RSPH14: variants seen among roughly 807,000 people sequenced by gnomAD.
RSPH14 encodes rhabdoid tumor deletion region gene 1.
RSPH14 carries 20 observed loss-of-function variants against 26.7 expected under a neutral mutation model. The ratio of observed to expected loss-of-function variants is 0.75; its 90% confidence interval spans 0.53 to 1.09. RSPH14 has a LOEUF of 1.09. Ranked by LOEUF, RSPH14 falls within the 50% of genes least tolerant of loss-of-function variation. The probability of loss-of-function intolerance (pLI) is 0.00; values close to 1 mark genes in which losing one functional copy is unlikely to be tolerated. For missense variants in RSPH14, 449 were observed against 457.2 expected (o/e 0.98, Z 0.16); for synonymous variants, 177 against 189.3 (o/e 0.93, Z 0.53).
intron 4 of RSPH14, among the ~76,000 whole-genome samples, chr22:23,092,233 G>A (rs1485119513): frequency 6.6e-6 from 1 of 152,196 alleles, no homozygotes; most frequent in East Asian, 1.9e-4. Flanking sequence ...GAGAGGGCTG[G>A]CTAGAGCCTT....
chr22:23,081,246 C>G (rs2068669287), intron 4 of RSPH14, among the ~76,000 whole-genome samples: 1 of 152,124 alleles, frequency 6.6e-6, no homozygotes, highest in Non-Finnish European at 1.5e-5. Context: ...AAAAAGTAAA[C>G]GAGATGTCAC....
the RSPH14 span, chr22:23,161,659 G>C: frequency 1.8e-6 from 2 of 1,134,288 alleles, no homozygotes; most frequent in South Asian, 1.4e-5. Flanking sequence ...GCTCTGCAGC[G>C]TGTCGCCCTC....
intron 4 of RSPH14, chr22:23,123,756 G>T: frequency 3.0e-6 from 1 of 331,358 alleles, no homozygotes; most frequent in South Asian, 4.1e-5. Context: ...GCCTTCCTGA[G>T]TTGGCCCCAC....
intron 4 of RSPH14, among the ~76,000 whole-genome samples, chr22:23,113,286 C>T (rs867613400): frequency 6.6e-6 from 1 of 152,226 alleles, no homozygotes; most frequent in Non-Finnish European, 1.5e-5. Flanking sequence ...ATCCTTCTCT[C>T]CCACAGATCT....
At chr22:23,073,769 C>T (rs927319344) in intron 4 of RSPH14, among the ~76,000 whole-genome samples, 2 of 152,222 alleles carry the variant, frequency 1.3e-5, no homozygotes, top group African/African-American at 2.4e-5. Flanking sequence ...CATTTACCAG[C>T]GCCTGCTGCA....
At chr22:23,082,511 G>A (rs1039448823) in intron 4 of RSPH14, among the ~76,000 whole-genome samples, 27 of 151,836 alleles carry the variant, frequency 1.8e-4, no homozygotes, top group African/African-American at 6.3e-4. Flanking sequence ...GAGCCACCGC[G>A]CCCGGCCTCG....
At chr22:23,145,557 T>G (rs769647298), upstream of RSPH14, 2 of 1,598,466 alleles carry the variant, frequency 1.3e-6, no homozygotes, top group Non-Finnish European at 1.7e-6. Context: ...CGCTGGTGAG[T>G]CAGCTCGCCC....
upstream of RSPH14, chr22:23,149,934 G>C: frequency 1.4e-6 from 1 of 730,136 alleles, no homozygotes; most frequent in South Asian, 1.6e-5. Context: ...GTCAGGGAAA[G>C]CTAATGAGGC....
At chr22:23,063,747 G>A (rs1569152780) in intron 5 of RSPH14, among the ~76,000 whole-genome samples, 155 bp downstream of exon 5, 1 of 152,036 alleles carries the variant, frequency 6.6e-6, no homozygotes, top group South Asian at 2.1e-4. Flanking sequence ...CACCCTAGGG[G>A]AGAAGGTCAT....
At chr22:23,107,699 T>C (rs962182936) in intron 4 of RSPH14, among the ~76,000 whole-genome samples, 5 of 152,142 alleles carry the variant, frequency 3.3e-5, no homozygotes, top group African/African-American at 1.2e-4. Flanking sequence ...AGTCGGGTCC[T>C]GGGCCTCTGC....
chr22:23,146,057 G>C, upstream of RSPH14: 4 of 975,376 alleles, frequency 4.1e-6, no homozygotes, highest in Non-Finnish European at 4.9e-6. Flanking sequence ...GCTCCTCCTT[G>C]GTAGACACCT....
intron 4 of RSPH14, among the ~76,000 whole-genome samples, chr22:23,089,658 G>T (rs2068909931): frequency 6.6e-6 from 1 of 152,204 alleles, no homozygotes; most frequent in African/African-American, 2.4e-5. Context: ...AGGGTGATGA[G>T]GGCAGGCCGG....
At chr22:23,074,629 G>C (rs1326357165) in intron 4 of RSPH14, among the ~76,000 whole-genome samples, 1 of 152,198 alleles carries the variant, frequency 6.6e-6, no homozygotes, top group Non-Finnish European at 1.5e-5. Flanking sequence ...GGGTAGGTAG[G>C]ATCAGAAGAG....
the RSPH14 span, among the ~76,000 whole-genome samples, chr22:23,156,968 T>G: frequency 1.3e-5 from 2 of 152,192 alleles, no homozygotes; most frequent in East Asian, 1.9e-4. Flanking sequence ...TGGGTCTCCC[T>G]GTAGCCTTCA....
chr22:23,152,375 G>T, the RSPH14 span: 6 of 1,399,216 alleles, frequency 4.3e-6, no homozygotes, highest in Admixed American at 1.7e-5. Context: ...CTCACCAGCA[G>T]AGAGCTCAGG....
At chr22:23,085,458 C>G (rs1317235284) in intron 4 of RSPH14, among the ~76,000 whole-genome samples, 1 of 152,142 alleles carries the variant, frequency 6.6e-6, no homozygotes, top group Non-Finnish European at 1.5e-5. Context: ...CCATACAGAT[C>G]TGAGGGTGGA....
At chr22:23,161,147 C>T in the RSPH14 span, 15 of 1,013,676 alleles carry the variant, frequency 1.5e-5, no homozygotes, top group African/African-American at 1.1e-4. Context: ...GTCACTGCAG[C>T]CTCAGGCCTG....
chr22:23,141,190 G>A (rs1337901989), intron 1 of RSPH14, among the ~76,000 whole-genome samples: 1 of 152,092 alleles, frequency 6.6e-6, no homozygotes, highest in African/African-American at 2.4e-5. Flanking sequence ...TTAGCTGGGC[G>A]TGATGGCGCA....
the RSPH14 span, chr22:23,159,363 T>C: frequency 2.7e-6 from 3 of 1,097,160 alleles, no homozygotes; most frequent in Non-Finnish European, 3.9e-6. Context: ...CTGTTCCCTC[T>C]GTGGCCCTGG....
Sources: allele counts gnomAD v4.1 joint callset (sites outside exome capture counted in the v4.1 genomes callset), GRCh38; gene constraint gnomAD v4.1.1; transcripts MANE v1.5; gene names NCBI Gene and HGNC (gene_info 2026-07-23, HGNC 2026-07-21).